The following DPP10 variants were observed in gnomAD, a reference collection of about 807,000 sequenced individuals.
DPP10 encodes the protein inactive dipeptidyl peptidase 10.
In DPP10, 33 loss-of-function variants were observed where a neutral mutation model predicts 120.9. The ratio of observed to expected loss-of-function variants is 0.27; its 90% CI spans 0.21 to 0.37. The LOEUF (loss-of-function observed/expected upper bound fraction) is 0.37. DPP10 is among the 10% of genes least tolerant of loss of function. The pLI is 1.00. For synonymous variants in DPP10, 337 were observed against 326.1 expected, an observed-to-expected ratio of 1.03 and a Z score of -0.36; for missense variants, 816 against 942.8, an observed-to-expected ratio of 0.87 and a Z score of 1.76.
chr2:114,467,719 G>T (rs1429977047), intron 1 of DPP10, among the ~76,000 whole-genome samples: 1 of 152,082 alleles, frequency 6.6e-6, no homozygotes, highest in Admixed American at 6.6e-5. Flanking sequence ...CTAGCTCCTG[G>T]CCAGGCACGG....
chr2:115,598,588 C>T (rs545870132), intron 5 of DPP10, among the ~76,000 whole-genome samples: 39 of 151,804 alleles, frequency 2.6e-4, no homozygotes, highest in Middle Eastern at 3.2e-3. Context: ...GGTCACTATC[C>T]TGTAATTACA....
At chr2:115,087,533 C>CTTTTTT (rs1310507943) in intron 1 of DPP10, among the ~76,000 whole-genome samples, 1,426 of 92,306 alleles carry the variant, frequency 0.015, 8 homozygotes, top group Non-Finnish European at 0.025. Flanking sequence ...CTTTTCTTTT[C>CTTTTTT]TTTTCTTTTT....
At chr2:114,508,909 T>G (rs1573524605) in intron 1 of DPP10, among the ~76,000 whole-genome samples, 1 of 152,100 alleles carries the variant, frequency 6.6e-6, no homozygotes, top group East Asian at 1.9e-4. Context: ...ATTAATTATG[T>G]ATGCTTAAAC....
chr2:114,802,001 C>T (rs566653202), intron 1 of DPP10, among the ~76,000 whole-genome samples: 1 of 152,274 alleles, frequency 6.6e-6, no homozygotes, highest in Admixed American at 6.5e-5. Context: ...CTGCAGTTCA[C>T]TCAGTTTCTC....
chr2:114,873,206 T>A (rs534202650), intron 1 of DPP10, among the ~76,000 whole-genome samples: 1 of 152,184 alleles, frequency 6.6e-6, no homozygotes, highest in Non-Finnish European at 1.5e-5. Context: ...GTAATAATAT[T>A]TGTTGTTAAC....
intron 1 of DPP10, among the ~76,000 whole-genome samples, chr2:115,033,704 T>TA (rs1559017393): frequency 6.6e-6 from 1 of 150,692 alleles, no homozygotes; most frequent in African/African-American, 2.4e-5. Flanking sequence ...CTCCTTTTTT[T>TA]TTTTTTTATT....
intron 1 of DPP10, among the ~76,000 whole-genome samples, chr2:114,534,148 G>A (rs954612048): frequency 2.0e-5 from 3 of 152,102 alleles, no homozygotes; most frequent in African/African-American, 7.2e-5. Context: ...CATTCAAAAT[G>A]ATGGGAATAT....
intron 5 of DPP10, among the ~76,000 whole-genome samples, chr2:115,568,756 G>C (rs1421573738): frequency 6.6e-6 from 1 of 152,082 alleles, no homozygotes; most frequent in African/African-American, 2.4e-5. Flanking sequence ...TAAGCTGTCA[G>C]TCAGTGCAGC....
intron 1 of DPP10, among the ~76,000 whole-genome samples, chr2:114,756,818 A>G (rs1456233450): frequency 2.6e-5 from 4 of 152,164 alleles, no homozygotes; most frequent in African/African-American, 9.7e-5. Flanking sequence ...TTACTCAAAG[A>G]ACCAGTTCAA....
At chr2:114,616,126 T>G (rs1299400157) in intron 1 of DPP10, among the ~76,000 whole-genome samples, 1 of 152,116 alleles carries the variant, frequency 6.6e-6, no homozygotes, top group Non-Finnish European at 1.5e-5. Context: ...GGGAAAGACA[T>G]CTGGAAAATT....
intron 19 of DPP10, among the ~76,000 whole-genome samples, chr2:115,811,000 G>A (rs17045038): frequency 0.018 from 2,780 of 152,228 alleles, 88 homozygotes; most frequent in African/African-American, 0.061. Flanking sequence ...AGCACCAAAT[G>A]TTTTGCTATT....
chr2:115,372,623 T>C (rs184477305), intron 3 of DPP10, among the ~76,000 whole-genome samples: 148 of 152,314 alleles, frequency 9.7e-4, no homozygotes, highest in Non-Finnish European at 1.8e-3. Context: ...TTGCGGTAAC[T>C]GGCTACTGAT....
intron 1 of DPP10, among the ~76,000 whole-genome samples, chr2:115,152,787 G>A (rs904939673): frequency 1.3e-5 from 2 of 152,158 alleles, no homozygotes; most frequent in Non-Finnish European, 2.9e-5. Context: ...CTAAGACCTT[G>A]ACATAGACCT....
At chr2:115,603,560 G>GTTTT (rs10637786) in intron 5 of DPP10, among the ~76,000 whole-genome samples, 11,265 of 126,068 alleles carry the variant, frequency 0.089, 793 homozygotes, top group East Asian at 0.24. Context: ...CGTTGTTGTT[G>GTTTT]TTTTTTTTTG....
chr2:114,792,816 T>C (rs7581475), intron 1 of DPP10, among the ~76,000 whole-genome samples: 83,701 of 151,894 alleles, frequency 0.55, 23,309 homozygotes, highest in East Asian at 0.79. Context: ...TCATATGCGA[T>C]CCCACTGGGA....
intron 5 of DPP10, among the ~76,000 whole-genome samples, chr2:115,615,139 G>T (rs1012840902): frequency 2.6e-5 from 4 of 151,798 alleles, no homozygotes; most frequent in Non-Finnish European, 5.9e-5. Flanking sequence ...ATTCCAGAAT[G>T]TCATTACAGA....
chr2:115,707,825 T>C (rs979682831), intron 7 of DPP10, among the ~76,000 whole-genome samples: 1 of 151,796 alleles, frequency 6.6e-6, no homozygotes, highest in African/African-American at 2.4e-5. Flanking sequence ...TTACAATAGG[T>C]AAAACATTCC....
chr2:114,935,604 T>C (rs1327197390), intron 1 of DPP10, among the ~76,000 whole-genome samples: 1 of 152,166 alleles, frequency 6.6e-6, no homozygotes, highest in East Asian at 1.9e-4. Context: ...ATTTGGTGGC[T>C]GCCTTTTAAA....
chr2:114,943,615 T>C (rs1463886822), intron 1 of DPP10, among the ~76,000 whole-genome samples: 1 of 152,210 alleles, frequency 6.6e-6, no homozygotes, highest in East Asian at 1.9e-4. Flanking sequence ...GATGGTCATT[T>C]GGGTTGGTTC....
Sources: gnomAD v4.1 joint callset for allele counts (sites outside exome capture counted in the v4.1 genomes callset) on GRCh38, gnomAD v4.1.1 for gene constraint, MANE v1.5 for transcripts, NCBI Gene and HGNC (gene_info 2026-07-23, HGNC 2026-07-21) for gene names.